FMN1: variants seen among roughly 807,000 people sequenced by gnomAD.
FMN1 encodes the protein formin 1.
Under a neutral mutation model 132.4 loss-of-function variants are expected in FMN1, and 110 were observed. That is an observed-to-expected ratio of 0.83 (90% CI 0.71 to 0.97). The LOEUF (loss-of-function observed/expected upper bound fraction) is 0.97. FMN1 is among the 50% of genes least tolerant of loss of function. The probability of loss-of-function intolerance (pLI) is 0.00; values close to 1 mark genes in which losing one functional copy is unlikely to be tolerated. For missense variants in FMN1, 1,792 were observed against 1,705.3 expected (o/e 1.05, Z -0.90); for synonymous variants, 722 against 651.7 (o/e 1.11, Z -1.64).
At position 32,841,014 on chromosome 15, in the gene FMN1, A is replaced by G. The variant is rs79982701; in HGVS notation, c.3928+16001T>C. Among the ~76,000 whole-genome samples, 150 of 152,304 alleles carry G rather than the reference A, an allele frequency of 9.8e-4. 1 individual carries two copies. In the East Asian group the frequency reaches 0.026, roughly 26 times the overall value. Reference sequence around the variant, plus strand: ...CAGAAACAAAATTTAAAAACAAACAAACCACCAGCATTTATCACCGTTTAT... The same window carrying G: ...CAGAAACAAAATTTAAAAACAAACAGACCACCAGCATTTATCACCGTTTAT... On this transcript the variant is annotated intron_variant, in intron 17 of 20. Coordinates refer to ENST00000616417, the MANE Select transcript of FMN1 (RefSeq NM_001277313.2).
chr15:33,049,476 CA>C (rs2036865123), intron 6 of FMN1, among the ~76,000 whole-genome samples: 1 of 152,144 alleles, frequency 6.6e-6, no homozygotes, highest in Non-Finnish European at 1.5e-5. Context: ...GTTCTGTTTC[CA>C]GGGGGTTTCA....
At chr15:33,070,347 A>G (rs2037947973) in intron 5 of FMN1, among the ~76,000 whole-genome samples, 1 of 150,406 alleles carries the variant, frequency 6.6e-6, no homozygotes, top group Non-Finnish European at 1.5e-5. Flanking sequence ...ATCCAATTCT[A>G]ATATGGCAGG....
chr15:32,881,353 G>T (rs1022575384), intron 16 of FMN1, among the ~76,000 whole-genome samples: 2 of 152,096 alleles, frequency 1.3e-5, no homozygotes, highest in African/African-American at 4.8e-5. Context: ...CAGCTTTCTT[G>T]TTTGATTAAT....
At chr15:33,178,619 T>G (rs1271567563) in intron 3 of FMN1, among the ~76,000 whole-genome samples, 1 of 152,198 alleles carries the variant, frequency 6.6e-6, no homozygotes, top group Non-Finnish European at 1.5e-5. Context: ...TCGGTTAAAA[T>G]CCCAGCTCTT....
intron 4 of FMN1, among the ~76,000 whole-genome samples, chr15:33,091,932 A>G (rs913120923): frequency 3.9e-5 from 6 of 152,148 alleles, no homozygotes; most frequent in Admixed American, 2.6e-4. Flanking sequence ...TGAAAAACTG[A>G]ATCAGTCTTA....
intron 6 of FMN1, among the ~76,000 whole-genome samples, chr15:33,023,224 C>CA (rs1342514888): frequency 6.7e-6 from 1 of 149,384 alleles, no homozygotes; most frequent in Non-Finnish European, 1.5e-5. Context: ...AAGACAACTG[C>CA]AAAACAAATA....
chr15:33,168,687 G>T (rs1965201722), intron 3 of FMN1, among the ~76,000 whole-genome samples: 1 of 152,216 alleles, frequency 6.6e-6, no homozygotes, highest in Non-Finnish European at 1.5e-5. Flanking sequence ...TTGTGATTAG[G>T]AGGTTGGCTG....
chr15:33,135,450 G>A lies in FMN1; in HGVS notation c.1867+17598C>T, dbSNP rs573558768. 8.5e-5 allele frequency among the ~76,000 whole-genome samples: 13 copies of A among 152,348 alleles called. No individual in the cohort carries two copies. The South Asian group carries it at 2.7e-3, about 32-fold the overall frequency. ...GCACAGCACAGCACAGAATAACCCA[G>A]TTAGGGAGGAGAATGTCTGCTCTGT... On this transcript the variant is annotated intron_variant, in intron 4 of 20. Coordinates refer to ENST00000616417, the MANE Select transcript of FMN1 (RefSeq NM_001277313.2).
Position 33,048,113 on chromosome 15 carries a change from T to C in FMN1, c.2161+16844A>G, listed in dbSNP as rs558394337. On this transcript the variant is annotated intron_variant, in intron 6 of 20. Transcript: ENST00000616417. ...AATAAAAAGTTTTAAAGATTATGGGTAAAATAAAAATGTCTTCAAAATGTA... is the reference window on the plus strand; with the variant it reads ...AATAAAAAGTTTTAAAGATTATGGGCAAAATAAAAATGTCTTCAAAATGTA... 2.2e-5 allele frequency among the ~76,000 whole-genome samples: 3 copies of C among 135,552 alleles called. No homozygotes were observed. The South Asian group carries it at 7.3e-4, about 33-fold the overall frequency. The allele number at this position is 135,552 out of a possible 152,430, so 88.9% of individuals were successfully genotyped here.
chr15:33,172,207 CAAA>C (rs375714453), intron 3 of FMN1, among the ~76,000 whole-genome samples: 1 of 101,110 alleles, frequency 9.9e-6, no homozygotes, highest in Non-Finnish European at 2.1e-5. Flanking sequence ...GACTCCGTCT[CAAA>C]AAAAAAAAAA....
chr15:32,875,295 C>T (rs2059612512), intron 16 of FMN1, among the ~76,000 whole-genome samples: 1 of 151,880 alleles, frequency 6.6e-6, no homozygotes, highest in South Asian at 2.1e-4. Flanking sequence ...AGACCCCCTG[C>T]CCTTATAATA....
intron 4 of FMN1, among the ~76,000 whole-genome samples, chr15:33,104,662 A>C (rs748100002): frequency 9.9e-5 from 15 of 152,122 alleles, no homozygotes; most frequent in Non-Finnish European, 2.1e-4. Context: ...TTCCTGAAGC[A>C]ATGTTTTCCA....
chr15:32,785,182 GTGTGTGTGTGTGTGTGTGTATA>G (rs2056818537), intron 19 of FMN1, among the ~76,000 whole-genome samples: 1 of 37,404 alleles, frequency 2.7e-5, no homozygotes, highest in African/African-American at 9.7e-5. Context: ...GTGTGTGTGT[GTGTGTGTGTGTGTGTGTGTATA>G]TATATATATA....
At position 32,958,870 on chromosome 15, in the gene FMN1, C is replaced by T. The variant is rs778864927; in HGVS notation, c.3138+5237G>A. On this transcript the variant is annotated intron_variant, in intron 9 of 20. Coordinates refer to ENST00000616417, the MANE Select transcript of FMN1 (RefSeq NM_001277313.2). ...TGGCCTGGACAATGTGGTGAAAGCC[C>T]GTCTCTACTAAAAATATAAAAATTA... Among the ~76,000 whole-genome samples, 12 of 151,838 alleles carry T rather than the reference C, an allele frequency of 7.9e-5. No homozygotes were observed. The East Asian group carries it at 1.2e-3, about 15-fold the overall frequency.
chr15:33,176,417 A>G (rs1284707221), intron 3 of FMN1, among the ~76,000 whole-genome samples: 2 of 150,960 alleles, frequency 1.3e-5, no homozygotes, highest in East Asian at 3.9e-4. Context: ...GAGACAGGAG[A>G]ATTGCTTGAA....
intron 16 of FMN1, among the ~76,000 whole-genome samples, chr15:32,870,755 T>C (rs1408639719): frequency 6.6e-6 from 1 of 152,152 alleles, no homozygotes; most frequent in Non-Finnish European, 1.5e-5. Context: ...CATGATTTGA[T>C]TTATAGGGTG....
intron 4 of FMN1, among the ~76,000 whole-genome samples, chr15:33,122,306 A>G (rs1480382014): frequency 2.0e-5 from 3 of 152,214 alleles, no homozygotes; most frequent in Non-Finnish European, 4.4e-5. Flanking sequence ...TGTTCCGCAA[A>G]TTCAAGTAAC....
At chr15:32,950,813 C>T (rs923218500) in intron 9 of FMN1, among the ~76,000 whole-genome samples, 2 of 152,084 alleles carry the variant, frequency 1.3e-5, no homozygotes, top group African/African-American at 4.8e-5. Context: ...TATGTAAAAA[C>T]CTGCACGTGT....
intron 9 of FMN1, among the ~76,000 whole-genome samples, chr15:32,932,479 C>T (rs1325215367): frequency 1.3e-5 from 2 of 152,118 alleles, no homozygotes; most frequent in Non-Finnish European, 2.9e-5. Context: ...CTTGTAATGT[C>T]TTTGGCTTTG....
Sources: gnomAD v4.1 joint callset for allele counts (sites outside exome capture counted in the v4.1 genomes callset) on GRCh38, gnomAD v4.1.1 for gene constraint, MANE v1.5 for transcripts, NCBI Gene and HGNC (gene_info 2026-07-23, HGNC 2026-07-21) for gene names.